The following PDE4D variants were observed in gnomAD, a reference collection of about 807,000 sequenced individuals.
PDE4D encodes phosphodiesterase 4D, also known as 3',5'-cyclic-AMP phosphodiesterase 4D.
In PDE4D, 24 loss-of-function variants were observed where a neutral mutation model predicts 87.4. That is an observed-to-expected ratio of 0.27 (90% CI 0.20 to 0.39). The LOEUF is 0.39. PDE4D is among the 10% of genes least tolerant of loss of function. The probability of loss-of-function intolerance (pLI) is 1.00; values close to 1 mark genes in which losing one functional copy is unlikely to be tolerated. For missense variants in PDE4D, 714 were observed against 1,041.0 expected, an observed-to-expected ratio of 0.69 and a Z score of 4.32; for synonymous variants, 384 against 383.2, an observed-to-expected ratio of 1.00 and a Z score of -0.02.
chr5:60,360,309 G>T (rs992760166), intron 1 of PDE4D, among the ~76,000 whole-genome samples: 1 of 152,224 alleles, frequency 6.6e-6, no homozygotes, highest in African/African-American at 2.4e-5. Flanking sequence ...GATCTTTGCA[G>T]AAGGAAGCAT....
chr5:60,420,363 G>A (rs1212174482), intron 1 of PDE4D, among the ~76,000 whole-genome samples: 1 of 152,184 alleles, frequency 6.6e-6, no homozygotes, highest in African/African-American at 2.4e-5. Flanking sequence ...AGGTTGAATA[G>A]GTTGGGAAAG....
intron 1 of PDE4D, among the ~76,000 whole-genome samples, chr5:60,340,279 AT>A (rs35196365): frequency 9.3e-4 from 136 of 147,020 alleles, no homozygotes; most frequent in Middle Eastern, 3.6e-3. Flanking sequence ...ACAGCATCCT[AT>A]TTTTTTTTTT....
At chr5:59,407,219 A>G (rs1579845) in intron 1 of PDE4D, among the ~76,000 whole-genome samples, 26,139 of 151,984 alleles carry the variant, frequency 0.17, 3,049 homozygotes, top group African/African-American at 0.32. Flanking sequence ...AAGGTGTGTA[A>G]CACCTTCCTT....
chr5:60,347,216 C>A (rs942921183), intron 1 of PDE4D, among the ~76,000 whole-genome samples: 4 of 151,900 alleles, frequency 2.6e-5, no homozygotes, highest in Non-Finnish European at 2.9e-5. Context: ...AGGACATGGG[C>A]AGAAAGAATG....
At chr5:59,647,979 G>A (rs1051727332) in intron 1 of PDE4D, among the ~76,000 whole-genome samples, 1 of 152,104 alleles carries the variant, frequency 6.6e-6, no homozygotes, top group Non-Finnish European at 1.5e-5. Context: ...AGTGGTACAT[G>A]TAACTCTAAA....
chr5:58,995,232 C>CA (rs1016163426), intron 6 of PDE4D, among the ~76,000 whole-genome samples: 14 of 151,258 alleles, frequency 9.3e-5, no homozygotes, highest in South Asian at 2.1e-4. Flanking sequence ...AAAGCTATAC[C>CA]AAAAAAAAGA....
At chr5:59,997,084 T>C (rs939457972) in intron 2 of PDE4D, among the ~76,000 whole-genome samples, 2 of 152,180 alleles carry the variant, frequency 1.3e-5, no homozygotes, top group Non-Finnish European at 2.9e-5. Context: ...TCTGCAACTC[T>C]AGGATTCAAT....
At chr5:59,684,120 C>T (rs17382202) in intron 1 of PDE4D, among the ~76,000 whole-genome samples, 26,721 of 152,114 alleles carry the variant, frequency 0.18, 3,094 homozygotes, top group South Asian at 0.26. Context: ...CAACTCCTAA[C>T]GAGCTAGTCA....
intron 3 of PDE4D, among the ~76,000 whole-genome samples, chr5:59,932,014 T>A (rs866055228): frequency 1.3e-5 from 2 of 152,202 alleles, no homozygotes; most frequent in Non-Finnish European, 2.9e-5. Context: ...ATGGATTAAA[T>A]CTTAACATGA....
chr5:58,987,222 T>C (rs972913169), intron 11 of PDE4D, among the ~76,000 whole-genome samples: 1 of 152,320 alleles, frequency 6.6e-6, no homozygotes, highest in African/African-American at 2.4e-5. Context: ...TGTATATTAA[T>C]ATTTGTATGT....
chr5:60,235,815 A>T (rs982628001), intron 1 of PDE4D, among the ~76,000 whole-genome samples: 9 of 151,906 alleles, frequency 5.9e-5, no homozygotes, highest in Admixed American at 5.9e-4. Context: ...TGATTTTAAA[A>T]TATTTCAATA....
chr5:59,342,349 C>T (rs1301358869), intron 1 of PDE4D, among the ~76,000 whole-genome samples: 2 of 152,024 alleles, frequency 1.3e-5, no homozygotes, highest in African/African-American at 4.8e-5. Flanking sequence ...CACATGGTGC[C>T]TCTGATCTGT....
At chr5:59,105,093 A>G (rs1197099140) in intron 5 of PDE4D, among the ~76,000 whole-genome samples, 1 of 152,224 alleles carries the variant, frequency 6.6e-6, no homozygotes, top group Non-Finnish European at 1.5e-5. Flanking sequence ...CATCAAACGC[A>G]CCAAGTCACA....
chr5:59,727,797 A>C (rs1756817640), intron 1 of PDE4D, among the ~76,000 whole-genome samples: 1 of 152,096 alleles, frequency 6.6e-6, no homozygotes, highest in African/African-American at 2.4e-5. Flanking sequence ...CAAGAGAATA[A>C]TTTGAATTCT....
intron 2 of PDE4D, among the ~76,000 whole-genome samples, chr5:60,000,243 T>G (rs1763901317): frequency 6.6e-6 from 1 of 152,008 alleles, no homozygotes; most frequent in African/African-American, 2.4e-5. Flanking sequence ...AAGACACTGA[T>G]AAAACTCAAA....
chr5:59,514,826 G>C (rs540463819), intron 1 of PDE4D, among the ~76,000 whole-genome samples: 1 of 152,134 alleles, frequency 6.6e-6, no homozygotes, highest in Non-Finnish European at 1.5e-5. Context: ...TCCATGTAAA[G>C]AGCTTAGAAT....
At chr5:59,081,517 G>A (rs71626134) in intron 5 of PDE4D, among the ~76,000 whole-genome samples, 45,712 of 97,286 alleles carry the variant, frequency 0.47, 8,343 homozygotes, top group East Asian at 0.74. Flanking sequence ...AAGTAATCAG[G>A]TAAAAAAAAA....
Position 59,215,980 on chromosome 5 carries a change from G to A in PDE4D, c.456-12C>T, listed in dbSNP as rs114278541. The A allele has an allele frequency of 2.0e-3, 3,154 of 1,594,732 alleles. 57 individuals are homozygous for A. The African/African-American group carries it at 0.037, about 19-fold the overall frequency. ...TGTCCACATCAAAACTGTAAAGGAA[G>A]GAGAAGGAATTATGTTGCTGTGAAC... is the stretch of plus-strand genomic sequence containing the variant. On this transcript the variant is annotated splice_polypyrimidine_tract_variant and intron_variant, in intron 1 of 14. Transcript: ENST00000340635.
chr5:59,488,105 C>T (rs915455868), intron 1 of PDE4D, among the ~76,000 whole-genome samples: 4 of 149,938 alleles, frequency 2.7e-5, no homozygotes, highest in Non-Finnish European at 5.9e-5. Flanking sequence ...GTTTTCACCC[C>T]GGTCACTATT....
Sources: allele counts gnomAD v4.1 joint callset (sites outside exome capture counted in the v4.1 genomes callset), GRCh38; gene constraint gnomAD v4.1.1; transcripts MANE v1.5; gene names NCBI Gene and HGNC (gene_info 2026-07-23, HGNC 2026-07-21).